Variants in MAGI2 observed in about 807,000 individuals in gnomAD.
The protein encoded by MAGI2 is membrane associated guanylate kinase, WW and PDZ domain containing 2.
In MAGI2, 35 loss-of-function variants were observed where a neutral mutation model predicts 133.3. The observed-to-expected ratio is 0.26, with a 90% CI of 0.20 to 0.35. MAGI2 has a LOEUF of 0.35. MAGI2 is among the 10% of genes least tolerant of loss of function. MAGI2 has a pLI of 1.00. For missense variants in MAGI2, 1,636 were observed against 1,863.4 expected (o/e 0.88, Z 2.25); for synonymous variants, 729 against 710.6 (o/e 1.03, Z -0.41).
intron 21 of MAGI2, among the ~76,000 whole-genome samples, chr7:78,068,109 T>TG (rs760822713): frequency 6.6e-6 from 1 of 152,112 alleles, no homozygotes; most frequent in Non-Finnish European, 1.5e-5. Flanking sequence ...ATAGACCAGG[T>TG]GGGGGTAGGG....
intron 2 of MAGI2, among the ~76,000 whole-genome samples, chr7:78,655,454 C>A (rs890787894): frequency 5.2e-3 from 339 of 64,632 alleles, no homozygotes; most frequent in Middle Eastern, 0.028. Flanking sequence ...AAAAAACAAC[C>A]AAAAAAAAAA....
At chr7:78,230,271 T>G (rs1789831661) in intron 10 of MAGI2, among the ~76,000 whole-genome samples, 1 of 152,210 alleles carries the variant, frequency 6.6e-6, no homozygotes, top group Non-Finnish European at 1.5e-5. Context: ...TATATGACAT[T>G]GATAATTTAA....
At chr7:78,494,967 T>C (rs1310998821) in intron 5 of MAGI2, among the ~76,000 whole-genome samples, 1 of 152,124 alleles carries the variant, frequency 6.6e-6, no homozygotes, top group Non-Finnish European at 1.5e-5. Context: ...CATAAAACAA[T>C]CTTCTGAAGA....
intron 1 of MAGI2, among the ~76,000 whole-genome samples, chr7:79,315,164 C>CTTTTTT (rs33911640): frequency 7.1e-6 from 1 of 140,688 alleles, no homozygotes; most frequent in Non-Finnish European, 1.5e-5. Context: ...AGATTTAACT[C>CTTTTTT]TTTTTTTTTT....
chr7:78,435,168 C>T (rs1426814087), intron 6 of MAGI2, among the ~76,000 whole-genome samples: 2 of 152,192 alleles, frequency 1.3e-5, no homozygotes, highest in East Asian at 3.9e-4. Context: ...CGCCTAGGGA[C>T]AATTGGGAGA....
intron 17 of MAGI2, chr7:78,134,789 CA>C (rs1404157448): frequency 2.3e-6 from 1 of 436,848 alleles, no homozygotes; most frequent in African/African-American, 2.0e-5. Context: ...ATTTAGCCTG[CA>C]ATGTCACATA....
intron 9 of MAGI2, among the ~76,000 whole-genome samples, chr7:78,281,701 G>A (rs939572507): frequency 1.7e-5 from 2 of 120,754 alleles, no homozygotes; most frequent in Admixed American, 8.7e-5. Context: ...ATTCATTTGT[G>A]AACTCACTCT....
At chr7:78,031,384 G>C (rs1176175601) in intron 21 of MAGI2, among the ~76,000 whole-genome samples, 1 of 152,284 alleles carries the variant, frequency 6.6e-6, no homozygotes. Context: ...AAATGGAAAA[G>C]CTTAATAGTG....
intron 10 of MAGI2, among the ~76,000 whole-genome samples, chr7:78,204,683 GTGTT>G (rs1427572552): frequency 1.3e-5 from 2 of 152,036 alleles, no homozygotes; most frequent in African/African-American, 4.8e-5. Context: ...AACTTGTTGT[GTGTT>G]TGAGTGTGCA....
intron 2 of MAGI2, among the ~76,000 whole-genome samples, chr7:78,917,089 A>C (rs1798863235): frequency 6.6e-6 from 1 of 152,158 alleles, no homozygotes; most frequent in South Asian, 2.1e-4. Context: ...ATTAGTGATC[A>C]GTTACACACC....
rs11974071 is a variant in MAGI2 at position 79,300,506 on chromosome 7, C to G, written c.301+152514G>C. On this transcript the variant is annotated intron_variant, in intron 1 of 21. Coordinates refer to ENST00000354212, the MANE Select transcript of MAGI2 (RefSeq NM_012301.4). ...AAGCAGCAAAGCTTTCAAGTTGTGA[C>G]CTGGCTGCTCCTAAAAACCTATGCT... 6.9e-3 allele frequency among the ~76,000 whole-genome samples: 1,047 copies of G among 152,250 alleles called. 7 individuals are homozygous for G. Among genetic ancestry groups the G allele is most frequent in the African/African-American group, 0.024 (979 of 41,532 alleles).
chr7:79,244,176 A>C (rs1415703097), intron 1 of MAGI2, among the ~76,000 whole-genome samples: 1 of 152,190 alleles, frequency 6.6e-6, no homozygotes. Flanking sequence ...CATTATTAAA[A>C]CATACTGAGA....
At chr7:78,103,475 C>A (rs1409694983) in intron 20 of MAGI2, among the ~76,000 whole-genome samples, 1 of 152,160 alleles carries the variant, frequency 6.6e-6, no homozygotes, top group Non-Finnish European at 1.5e-5. Flanking sequence ...TTTATTAATG[C>A]CCTAGAACAC....
At chr7:78,310,756 G>T (rs1000413309) in intron 9 of MAGI2, among the ~76,000 whole-genome samples, 1 of 152,162 alleles carries the variant, frequency 6.6e-6, no homozygotes, top group Non-Finnish European at 1.5e-5. Flanking sequence ...AGGATATCAA[G>T]CTTGATTACC....
In MAGI2 at chr7:78,892,145, T is replaced by C. The variant is rs182160054; in HGVS notation, c.418+114945A>G. 3.7e-4 allele frequency among the ~76,000 whole-genome samples: 56 copies of C among 152,112 alleles called. 1 individual carries two copies. The highest frequency in any genetic ancestry group is 1.3e-3 in the African/African-American group (54 of 41,500). On this transcript the variant is annotated intron_variant, in intron 2 of 21. Transcript: ENST00000354212. ...CCATTCACAATTGCTTCATAGATAA[T>C]AAAATACCCAGGAATCCAACTTACA...
chr7:78,394,882 A>G (rs1042894922), intron 6 of MAGI2, among the ~76,000 whole-genome samples: 5 of 152,206 alleles, frequency 3.3e-5, no homozygotes, highest in African/African-American at 1.2e-4. Flanking sequence ...TAAAACCTAC[A>G]AGATTTCCAT....
intron 2 of MAGI2, among the ~76,000 whole-genome samples, chr7:78,889,227 T>C (rs761650374): frequency 7.2e-5 from 11 of 152,280 alleles, no homozygotes; most frequent in Non-Finnish European, 1.3e-4. Flanking sequence ...TATGGGACTA[T>C]GTGAGAAGAC....
intron 1 of MAGI2, among the ~76,000 whole-genome samples, chr7:79,436,619 G>T (rs866213128): frequency 2.0e-5 from 3 of 152,220 alleles, no homozygotes; most frequent in Middle Eastern, 6.8e-3. Context: ...CTAATCTTCA[G>T]AGAAATGCAA....
intron 2 of MAGI2, among the ~76,000 whole-genome samples, chr7:78,667,660 G>A (rs919377591): frequency 0.011 from 1,684 of 151,338 alleles, 37 homozygotes; most frequent in African/African-American, 0.038. Flanking sequence ...TTGTCCTTGC[G>A]ACAGTTTACT....
Sources: allele counts gnomAD v4.1 joint callset (sites outside exome capture counted in the v4.1 genomes callset), GRCh38; gene constraint gnomAD v4.1.1; transcripts MANE v1.5; gene names NCBI Gene and HGNC (gene_info 2026-07-23, HGNC 2026-07-21).